Variants in IL18RAP observed in about 807,000 individuals in gnomAD.
IL18RAP encodes interleukin-18 receptor accessory protein.
A neutral mutation model predicts 58.1 loss-of-function variants in IL18RAP; 37 were observed. That is an observed-to-expected ratio of 0.64 (90% confidence interval 0.49 to 0.84). The LOEUF is 0.84. Among genes scored for constraint, IL18RAP ranks in the 40% least tolerant of loss-of-function variants. The pLI, the probability that IL18RAP is intolerant of heterozygous loss-of-function variation, is 0.00. For missense variants in IL18RAP, 667 were observed against 704.8 expected (o/e 0.95, Z 0.61); for synonymous variants, 268 against 257.5 (o/e 1.04, Z -0.39).
chr2:102,450,833 T>G lies in IL18RAP; in HGVS notation c.1211-15T>G. 4 of 1,541,532 alleles carry G rather than the reference T, an allele frequency of 2.6e-6. No individual in the cohort carries two copies. The highest frequency in any genetic ancestry group is 3.5e-6 in the Non-Finnish European group (4 of 1,141,162). On this transcript the variant is annotated splice_polypyrimidine_tract_variant and intron_variant, in intron 8 of 9. Transcript: ENST00000687160. ...GTAAATGACTTATGTTTTTATAAATTTTCCTATTCTTCAGATAAAAAGGAT... is the reference window on the plus strand; with the variant it reads ...GTAAATGACTTATGTTTTTATAAATGTTCCTATTCTTCAGATAAAAAGGAT...
rs766292993 is a variant in IL18RAP at position 102,441,313 on chromosome 2, G to T, written c.732G>T (p.Val244=). 1.2e-6 allele frequency: 2 copies of T among 1,612,154 alleles called. No homozygotes were observed. Among genetic ancestry groups the T allele is most frequent in the African/African-American group, 2.7e-5 (2 of 74,884 alleles). ...VRAVVQVRTI[V]GDTKLKPDIL... ...GTAATCTTTGTTTTCATCTTTCAGT[G>T]GGAGACACTAAACTCAAACCAGATA... Residue 244 remains valine (V), a splice_region_variant and synonymous_variant, in exon 5 of 10, where the codon GTG becomes GTT. Transcript: ENST00000687160.
chr2:102,426,804 A>G lies in IL18RAP; in HGVS notation c.579+2390A>G, dbSNP rs1426654109. Among the ~76,000 whole-genome samples the G allele has an allele frequency of 3.3e-5, 5 of 151,924 alleles. No individual in the cohort carries two copies. In the South Asian group the frequency reaches 1.0e-3, roughly 32 times the overall value. ...TAGTTATTTTGAAATGTGCAATACA[A>G]TATTATTGGCTATAGTTATCTTGCT... On this transcript the variant is annotated intron_variant, in intron 3 of 9. Coordinates refer to ENST00000687160, the MANE Select transcript of IL18RAP (RefSeq NM_001393487.1).
intron 3 of IL18RAP, among the ~76,000 whole-genome samples, chr2:102,435,887 C>T (rs757209225): frequency 4.0e-5 from 6 of 148,430 alleles, no homozygotes; most frequent in Non-Finnish European, 7.4e-5. Flanking sequence ...TGAAGACTTA[C>T]GGACATTATT....
rs763888673 is a variant in IL18RAP, at chr2:102,450,940, C to T, written c.1303C>T (p.Leu435=). Residue 435 remains leucine (L), a synonymous_variant, in exon 9 of 10, where the codon CTG becomes TTG. Transcript: ENST00000687160. The stretch of plus-strand genomic sequence containing the variant: ...ATCTCTGAGTGAAGAACACTTGGCC[C>T]TGAGCCTATTTCCTGATGTTTTAGA... ...TSSLSEEHLA[L]SLFPDVLENK... is the part of the protein sequence containing the mutation. 1 of 1,612,330 alleles carries T rather than the reference C, an allele frequency of 6.2e-7. No homozygotes were observed. Among genetic ancestry groups the T allele is most frequent in the South Asian group, 1.1e-5 (1 of 90,416 alleles).
upstream of IL18RAP, among the ~76,000 whole-genome samples, chr2:102,422,520 C>T (rs935929189): frequency 7.2e-5 from 11 of 152,182 alleles, no homozygotes; most frequent in African/African-American, 2.7e-4. Flanking sequence ...CCTGGGAATG[C>T]TCCAGCTGGA....
intron 3 of IL18RAP, among the ~76,000 whole-genome samples, chr2:102,428,733 A>G (rs12712149): frequency 0.54 from 81,261 of 151,732 alleles, 23,676 homozygotes; most frequent in African/African-American, 0.74. Flanking sequence ...TAGGACTTCC[A>G]GTGCTATGAT....
chr2:102,447,019 G>T, intron 7 of IL18RAP, 51 bp from the exon 8 acceptor site: 2 of 1,589,110 alleles, frequency 1.3e-6, no homozygotes, highest in Non-Finnish European at 8.6e-7. Flanking sequence ...ACATGGTCTT[G>T]GTCCAATCCC....
At chr2:102,426,206 G>C (rs1333628580) in intron 3 of IL18RAP, among the ~76,000 whole-genome samples, 3 of 152,136 alleles carry the variant, frequency 2.0e-5, no homozygotes, top group Non-Finnish European at 4.4e-5. Flanking sequence ...GTTCTCAGGT[G>C]GTGGGTAAGT....
At chr2:102,423,716 T>C in intron 1 of IL18RAP, 95 bp from the exon 2 acceptor site, 1 of 886,016 alleles carries the variant, frequency 1.1e-6, no homozygotes, top group Non-Finnish European at 1.7e-6. Context: ...ACAAGGAAGC[T>C]AGATCTCTTG....
In IL18RAP at chr2:102,450,964, G is replaced by A. The variant is rs1683726644; in HGVS notation, c.1327G>A (p.Glu443Lys). The change falls in exon 9 of 10, where the codon GAA becomes AAA. Residue 443 changes from glutamate (E) to lysine (K), a missense_variant. Transcript: ENST00000687160. ...CCTGAGCCTATTTCCTGATGTTTTA[G>A]AAAACAAATATGGATATAGCCTGTG... ...LALSLFPDVL[E>K]NKYGYSLCLL... is the part of the protein sequence containing the mutation. 9 of 1,611,502 alleles carry A rather than the reference G, an allele frequency of 5.6e-6. No individual in the cohort carries two copies. Among genetic ancestry groups the A allele is most frequent in the Non-Finnish European group, 7.6e-6 (9 of 1,178,996 alleles).
chr2:102,451,850 G>T lies in IL18RAP; in HGVS notation c.1469G>T (p.Ser490Ile). ...ILSPNYVNGP[S>I]IFELQAAVNL... ...AGCCCCAACTATGTCAATGGACCCA[G>T]TATCTTTGAACTACAAGCAGCAGTG... Residue 490 changes from serine (S) to isoleucine (I), a missense_variant, in exon 10 of 10, where the codon AGT becomes ATT. Ser to Ile is a moderately radical substitution (Grantham distance 142). Transcript: ENST00000687160. 6.2e-7 allele frequency: 1 copy of T among 1,614,154 alleles called. No individual in the cohort carries two copies. Among genetic ancestry groups the T allele is most frequent in the Non-Finnish European group, 8.5e-7 (1 of 1,179,978 alleles).
At chr2:102,445,535 G>A (rs1440509446) in intron 7 of IL18RAP, among the ~76,000 whole-genome samples, 195 bp downstream of exon 7, 1 of 152,176 alleles carries the variant, frequency 6.6e-6, no homozygotes, top group Non-Finnish European at 1.5e-5. Context: ...CATATTACTG[G>A]TTTAGAGCTA....
At chr2:102,428,277 T>A (rs991856364) in intron 3 of IL18RAP, among the ~76,000 whole-genome samples, 2 of 151,782 alleles carry the variant, frequency 1.3e-5, no homozygotes, top group Admixed American at 1.3e-4. Context: ...AATGTGTAGA[T>A]CACTTTGAGT....
chr2:102,418,940 G>A (rs529566495), upstream of IL18RAP: 1 of 152,216 alleles, frequency 6.6e-6, no homozygotes, highest in Non-Finnish European at 1.5e-5. Flanking sequence ...AGGAAATAAA[G>A]GTAAGAGAGC....
chr2:102,432,064 G>A (rs1334570113), intron 3 of IL18RAP, among the ~76,000 whole-genome samples: 1 of 152,040 alleles, frequency 6.6e-6, no homozygotes, highest in Admixed American at 6.5e-5. Context: ...GGTCTTTGTA[G>A]GTGATCTTTG....
rs145856455 is a variant in IL18RAP, at chr2:102,431,146, T to C, written c.580-6066T>C. ...GATGAACTCCCTTAGCTTTTGTTTG[T>C]CTGGGAAAGTTTAATTTCCCTCTCA... is the stretch of plus-strand genomic sequence containing the variant. On this transcript the variant is annotated intron_variant, in intron 3 of 9. Coordinates refer to ENST00000687160, the MANE Select transcript of IL18RAP (RefSeq NM_001393487.1). Among the ~76,000 whole-genome samples, 776 of 152,308 alleles carry C rather than the reference T, an allele frequency of 5.1e-3. 18 individuals are homozygous for C. Among genetic ancestry groups the C allele is most frequent in the African/African-American group, 0.017 (702 of 41,572 alleles).
At position 102,451,085 on chromosome 2, in the gene IL18RAP, CT is replaced by C. The variant is rs200668066; in HGVS notation, c.1384+70del. On this transcript the variant is annotated intron_variant, in intron 9 of 9. Coordinates refer to ENST00000687160, the MANE Select transcript of IL18RAP (RefSeq NM_001393487.1). ...GGGCAGTTCAATGCAATCCCCAAGT[CT>C]TTTTTGTCATTCTTTGTTTTGGAAT... is the stretch of plus-strand genomic sequence containing the variant. The C allele has an allele frequency of 1.1e-5, 14 of 1,326,430 alleles. No homozygotes were observed. The African/African-American group carries it at 1.9e-4, about 18-fold the overall frequency. The allele number at this position is 1,326,430 out of a possible 1,614,324, so 82.2% of individuals were successfully genotyped here.
At position 102,436,797 on chromosome 2, in the gene IL18RAP, GTA is replaced by G. The variant is rs1171242189; in HGVS notation, c.580-407_580-406del. Among the ~76,000 whole-genome samples, 4 of 115,010 alleles carry G rather than the reference GTA, an allele frequency of 3.5e-5. 1 individual carries two copies. Among genetic ancestry groups the G allele is most frequent in the Admixed American group, 8.1e-5 (1 of 12,378 alleles). The allele number at this position is 115,010 out of a possible 152,430, so 75.5% of individuals were successfully genotyped here. On this transcript the variant is annotated intron_variant, in intron 3 of 9. Coordinates refer to ENST00000687160, the MANE Select transcript of IL18RAP (RefSeq NM_001393487.1). ...ATATGTTATATATATGTGTGTGTATGTATATATATGTGTGTGTGTGTGTATAT... is the reference window on the plus strand; with the variant it reads ...ATATGTTATATATATGTGTGTGTATGTATATATGTGTGTGTGTGTGTATAT...
intron 4 of IL18RAP, among the ~76,000 whole-genome samples, chr2:102,440,662 A>C (rs1683050746): frequency 6.6e-6 from 1 of 152,138 alleles, no homozygotes; most frequent in African/African-American, 2.4e-5. Flanking sequence ...CAAGTTAAAA[A>C]TACAGGACTG....
Sources: gnomAD v4.1 joint callset for allele counts (sites outside exome capture counted in the v4.1 genomes callset) on GRCh38, gnomAD v4.1.1 for gene constraint, MANE v1.5 for transcripts, NCBI Gene and HGNC (gene_info 2026-07-23, HGNC 2026-07-21) for gene names.